PIGF: variants seen among roughly 807,000 people sequenced by gnomAD.
PIGF encodes GPI ethanolamine phosphate transferase, stabilizing subunit.
In PIGF, 23 loss-of-function variants were observed where a neutral mutation model predicts 26.0. That is an observed-to-expected ratio of 0.88 (90% CI 0.64 to 1.25). The LOEUF (loss-of-function observed/expected upper bound fraction) is 1.25. Among genes scored for constraint, PIGF ranks in the 50% most tolerant of loss-of-function variants. The probability of loss-of-function intolerance (pLI) is 0.00; values close to 1 mark genes in which losing one functional copy is unlikely to be tolerated. For missense variants in PIGF, 278 were observed against 249.9 expected (o/e 1.11, Z -0.76); for synonymous variants, 93 against 92.6 (o/e 1.00, Z -0.03).
At chr2:46,599,191 A>G (rs1342666912) in intron 4 of PIGF, among the ~76,000 whole-genome samples, 1 of 152,204 alleles carries the variant, frequency 6.6e-6, no homozygotes, top group Non-Finnish European at 1.5e-5. Flanking sequence ...AATAGCTGGG[A>G]TATGAAGGGT....
chr2:46,600,550 A>G (rs1442630101), intron 4 of PIGF, among the ~76,000 whole-genome samples: 1 of 152,186 alleles, frequency 6.6e-6, no homozygotes, highest in Non-Finnish European at 1.5e-5. Flanking sequence ...GATGAGACTA[A>G]TTAATTAACT....
chr2:46,591,594 TTTA>T, intron 5 of PIGF: 1 of 951,174 alleles, frequency 1.1e-6, no homozygotes, highest in Non-Finnish European at 1.3e-6. Context: ...CACAGCAGTG[TTTA>T]TTATCACAAA....
intron 5 of PIGF, among the ~76,000 whole-genome samples, chr2:46,586,136 T>G (rs890334689): frequency 6.6e-6 from 1 of 152,182 alleles, no homozygotes; most frequent in Admixed American, 6.5e-5. Context: ...AAGAGCAAAT[T>G]CAGGAGCTGT....
chr2:46,606,821 C>CA (rs1670236354), intron 4 of PIGF, among the ~76,000 whole-genome samples: 1 of 152,124 alleles, frequency 6.6e-6, no homozygotes, highest in Non-Finnish European at 1.5e-5. Context: ...TTATTCACAA[C>CA]AACCAAAATG....
chr2:46,584,597 C>T (rs563404980), intron 5 of PIGF, among the ~76,000 whole-genome samples: 1 of 152,274 alleles, frequency 6.6e-6, no homozygotes, highest in African/African-American at 2.4e-5. Flanking sequence ...TGAAGGGTTA[C>T]GGCTTGGAAC....
intron 4 of PIGF, among the ~76,000 whole-genome samples, chr2:46,601,975 T>A (rs1395022987): frequency 6.6e-6 from 1 of 151,876 alleles, no homozygotes; most frequent in Non-Finnish European, 1.5e-5. Context: ...CAAGTTTCAA[T>A]GAACTATATG....
At chr2:46,593,464 T>C (rs1325705834) in intron 4 of PIGF, among the ~76,000 whole-genome samples, 5 of 152,226 alleles carry the variant, frequency 3.3e-5, no homozygotes, top group Admixed American at 3.3e-4. Flanking sequence ...ACTTCATTTA[T>C]ATAAACCAAT....
intron 2 of PIGF, chr2:46,614,704 A>T: frequency 5.1e-6 from 2 of 392,644 alleles, no homozygotes. Flanking sequence ...GGCTCACAAT[A>T]TTATAATATG....
chr2:46,583,043 A>AATT (rs1236381925), intron 5 of PIGF: 1 of 152,330 alleles, frequency 6.6e-6, no homozygotes. Flanking sequence ...TGTATAAATC[A>AATT]ATTAACATAT....
At chr2:46,611,705 G>C (rs1217632599) in intron 4 of PIGF, among the ~76,000 whole-genome samples, 1 of 152,118 alleles carries the variant, frequency 6.6e-6, no homozygotes, top group Non-Finnish European at 1.5e-5. Flanking sequence ...ACTTAGCCAT[G>C]CTGAAAATAT....
At chr2:46,586,452 T>C (rs534612189) in intron 5 of PIGF, among the ~76,000 whole-genome samples, 3 of 152,168 alleles carry the variant, frequency 2.0e-5, no homozygotes, top group Admixed American at 6.5e-5. Context: ...ATAATAAATA[T>C]TACTTATAAT....
intron 4 of PIGF, among the ~76,000 whole-genome samples, chr2:46,607,940 T>A (rs980552143): frequency 2.6e-4 from 39 of 152,130 alleles, no homozygotes; most frequent in Non-Finnish European, 4.7e-4. Context: ...TCAAGTGATC[T>A]GCCTGTCTCA....
At position 46,612,210 on chromosome 2, in the gene PIGF, T is replaced by G. The variant is rs1397929803; in HGVS notation, c.437+18A>C. 1.4e-5 allele frequency: 10 copies of G among 720,186 alleles called. No individual in the cohort carries two copies. Among genetic ancestry groups the G allele is most frequent in the Admixed American group, 3.9e-5 (1 of 25,612 alleles). 44.6% of individuals were successfully genotyped at this position (720,186 alleles called of 1,614,324 possible). A position where few individuals can be genotyped will look rare whatever the true frequency, so the allele number is the denominator to read the frequency against. ...TTTTTTAATTTCAATATCATTATAA[T>G]ATAAAATTAAAACTTACCCATTTCT... On this transcript the variant is annotated intron_variant, in intron 4 of 5. Coordinates refer to ENST00000281382, the MANE Select transcript of PIGF (RefSeq NM_002643.4).
intron 5 of PIGF, chr2:46,587,951 G>T: frequency 1.5e-6 from 1 of 676,878 alleles, no homozygotes; most frequent in Non-Finnish European, 2.2e-6. Context: ...GAATCATGGT[G>T]TAGTGGGGCT....
intron 5 of PIGF, among the ~76,000 whole-genome samples, chr2:46,590,956 T>C (rs1056759253): frequency 6.6e-6 from 1 of 152,174 alleles, no homozygotes; most frequent in African/African-American, 2.4e-5. Flanking sequence ...TAGAGCTAAA[T>C]GTAGGCAGTT....
At chr2:46,604,492 A>G (rs776976525) in intron 4 of PIGF, among the ~76,000 whole-genome samples, 4 of 151,842 alleles carry the variant, frequency 2.6e-5, no homozygotes, top group Non-Finnish European at 4.4e-5. Context: ...AAAAAAAAAA[A>G]GTGATACATA....
rs199947418 is a variant in PIGF, at chr2:46,590,533, A to T, written c.546+1942T>A. Among the ~76,000 whole-genome samples the T allele has an allele frequency of 5.1e-4, 77 of 152,218 alleles. No individual in the cohort carries two copies. In the South Asian group the frequency reaches 0.014, roughly 28 times the overall value. On this transcript the variant is annotated intron_variant, in intron 5 of 5. Transcript: ENST00000281382. ...AATGTATTGCATCATATACAAAATGATTATTATATCTTACCAACTCATTAA... is the reference window on the plus strand; with the variant it reads ...AATGTATTGCATCATATACAAAATGTTTATTATATCTTACCAACTCATTAA...
Position 46,605,199 on chromosome 2 carries a change from A to G in PIGF, c.437+7029T>C, listed in dbSNP as rs545731695. Among the ~76,000 whole-genome samples, 7 of 152,212 alleles carry G rather than the reference A, an allele frequency of 4.6e-5. No individual in the cohort carries two copies. The East Asian group carries it at 1.2e-3, about 25-fold the overall frequency. On this transcript the variant is annotated intron_variant, in intron 4 of 5. Coordinates refer to ENST00000281382, the MANE Select transcript of PIGF (RefSeq NM_002643.4). ...ACTCTAATGTTCAACGAGTTAATCT[A>G]ATTATTTCCTAGCTTATTCAAAATT...
rs1359582052 is a variant in PIGF at position 46,588,777 on chromosome 2, C to T, written c.546+3698G>A. On this transcript the variant is annotated intron_variant, in intron 5 of 5. Transcript: ENST00000281382. This position sits in a 1 kb window ranked among gnomAD's most constrained non-coding sequence, Gnocchi z 4.1. The stretch of plus-strand genomic sequence containing the variant: ...ATGAAATAGTTACAGCATATTAAAT[C>T]TAAATCACAGTTCAAATCTAAATTA... Among the ~76,000 whole-genome samples the T allele has an allele frequency of 6.6e-6, 1 of 152,104 alleles. No homozygotes were observed. The highest frequency in any genetic ancestry group is 1.9e-4 in the East Asian group (1 of 5,200).
Sources: allele counts gnomAD v4.1 joint callset (sites outside exome capture counted in the v4.1 genomes callset), GRCh38; gene constraint gnomAD v4.1.1; non-coding constraint Gnocchi (gnomAD v3.1); transcripts MANE v1.5; gene names NCBI Gene and HGNC (gene_info 2026-07-23, HGNC 2026-07-21).